B4GALT1: variants seen among roughly 807,000 people sequenced by gnomAD.
The protein encoded by B4GALT1 is beta-1,4-galactosyltransferase 1, also known as N-acetyllactosamine synthase.
In B4GALT1, 16 loss-of-function variants were observed where a neutral mutation model predicts 34.9. The observed-to-expected ratio is 0.46, with a 90% CI of 0.31 to 0.70. B4GALT1 has a LOEUF of 0.70. Among genes scored for constraint, B4GALT1 ranks in the 30% least tolerant of loss-of-function variants. The pLI, the probability that B4GALT1 is intolerant of heterozygous loss-of-function variation, is 0.05. For synonymous variants in B4GALT1, 221 were observed against 218.1 expected, an observed-to-expected ratio of 1.01 and a Z score of -0.12; for missense variants, 445 against 530.5, an observed-to-expected ratio of 0.84 and a Z score of 1.58.
chr9:33,166,637 G>A (rs1364258690), intron 1 of B4GALT1, 121 bp downstream of exon 1: 1 of 1,188,712 alleles, frequency 8.4e-7, no homozygotes, highest in African/African-American at 1.6e-5. Flanking sequence ...TTAAAACTCT[G>A]ATCCAGAAGA....
chr9:33,136,625 C>T lies in B4GALT1; in HGVS notation c.413-1201G>A, dbSNP rs569299316. On this transcript the variant is annotated intron_variant, in intron 1 of 5. Transcript: ENST00000379731. Reference sequence around the variant, plus strand: ...AGTTGTGCAGTCGAAAAACCCCCTTCGTTATATTTAACCCACCATTTCCCA... The same window carrying T: ...AGTTGTGCAGTCGAAAAACCCCCTTTGTTATATTTAACCCACCATTTCCCA... Among the ~76,000 whole-genome samples the T allele has an allele frequency of 2.0e-4, 31 of 152,352 alleles. 1 individual carries two copies. Among genetic ancestry groups the T allele is most frequent in the South Asian group, 1.0e-3 (5 of 4,828 alleles).
At chr9:33,152,039 C>T (rs1027884994) in intron 1 of B4GALT1, among the ~76,000 whole-genome samples, 4 of 152,046 alleles carry the variant, frequency 2.6e-5, no homozygotes, top group African/African-American at 7.3e-5. Context: ...AACTTCTGGC[C>T]GAGTGCAGTG....
intron 2 of B4GALT1, among the ~76,000 whole-genome samples, chr9:33,131,601 CATGTGT>C (rs1485575969): frequency 6.6e-6 from 1 of 152,026 alleles, no homozygotes; most frequent in Non-Finnish European, 1.5e-5. Context: ...CATGTGTGTG[CATGTGT>C]ATGTGTGTGT....
intron 3 of B4GALT1, among the ~76,000 whole-genome samples, chr9:33,118,034 A>T (rs1839965044): frequency 6.6e-6 from 1 of 152,200 alleles, no homozygotes; most frequent in African/African-American, 2.4e-5. Flanking sequence ...GTGGCAAAGA[A>T]TTAGGGCATC....
downstream of B4GALT1, among the ~76,000 whole-genome samples, chr9:33,106,777 G>A (rs758044012): frequency 2.6e-5 from 4 of 152,174 alleles, no homozygotes; most frequent in East Asian, 1.9e-4. Flanking sequence ...AAGGTTAGTC[G>A]CAGGGCAAGA....
intron 1 of B4GALT1, among the ~76,000 whole-genome samples, chr9:33,147,392 C>A (rs1192897914): frequency 6.6e-6 from 1 of 152,022 alleles, no homozygotes; most frequent in Non-Finnish European, 1.5e-5. Context: ...GGATTACAGG[C>A]ACCTGCCACC....
In B4GALT1 at chr9:33,113,215, A is replaced by T. The variant is rs1839889207; in HGVS notation, c.*239T>A. 6.9e-6 allele frequency: 4 copies of T among 583,170 alleles called. No homozygotes were observed. Among genetic ancestry groups the T allele is most frequent in the Non-Finnish European group, 1.2e-5 (4 of 325,840 alleles). The allele number at this position is 583,170 out of a possible 1,614,324, so 36.1% of individuals were successfully genotyped here. A position where few individuals can be genotyped will look rare whatever the true frequency, so the allele number is the denominator to read the frequency against. On this transcript the variant is annotated 3_prime_UTR_variant, in exon 6 of 6. Transcript: ENST00000379731. ...CTGACTCTGGGGTGACACTGCGAAC[A>T]CATCAAGAAACCCGCAAAGGCATAA...
Position 33,135,335 on chromosome 9 carries a change from C to A in B4GALT1, c.502G>T (p.Ala168Ser), listed in dbSNP as rs772617513. ...TGAGGAGAGACGCAGTCCCTGGGGG[C>A]ATAGCGGCCGCCCATCTTCACATTT... Reference protein sequence around the residue: ...NPNVKMGGRYAPRDCVSPHKV... With the variant: ...NPNVKMGGRYSPRDCVSPHKV... Residue 168 changes from alanine to serine, a missense_variant, in exon 2 of 6, where the codon GCC (alanine) becomes TCC (serine). Physicochemically the swap from Ala to Ser is moderately conservative, Grantham distance 99. Coordinates refer to ENST00000379731, the MANE Select transcript of B4GALT1 (RefSeq NM_001497.4). 3.7e-6 allele frequency: 6 copies of A among 1,614,210 alleles called. No homozygotes were observed. The highest frequency in any genetic ancestry group is 5.1e-6 in the Non-Finnish European group (6 of 1,180,030).
At chr9:33,151,988 G>A (rs1196304098) in intron 1 of B4GALT1, among the ~76,000 whole-genome samples, 2 of 152,182 alleles carry the variant, frequency 1.3e-5, no homozygotes, top group African/African-American at 4.8e-5. Context: ...GCAACCTGAA[G>A]TCATAAAGGA....
intron 1 of B4GALT1, among the ~76,000 whole-genome samples, chr9:33,144,585 T>C (rs1840399069): frequency 6.6e-6 from 1 of 152,216 alleles, no homozygotes; most frequent in Admixed American, 6.5e-5. Flanking sequence ...CTTTTTATGG[T>C]ATATGTTCTT....
chr9:33,162,643 A>G (rs1840690628), intron 1 of B4GALT1, among the ~76,000 whole-genome samples: 1 of 152,240 alleles, frequency 6.6e-6, no homozygotes, highest in Non-Finnish European at 1.5e-5. Context: ...CTCCAGGAAG[A>G]GCACTAGACA....
chr9:33,145,313 C>T (rs1840409998), intron 1 of B4GALT1, among the ~76,000 whole-genome samples: 1 of 152,160 alleles, frequency 6.6e-6, no homozygotes, highest in South Asian at 2.1e-4. Flanking sequence ...GGTGCATTTT[C>T]TTGGCTAAGC....
chr9:33,160,125 T>C (rs1055966656), intron 1 of B4GALT1, among the ~76,000 whole-genome samples: 4 of 152,246 alleles, frequency 2.6e-5, no homozygotes, highest in Non-Finnish European at 5.9e-5. Context: ...GTCTATCCTT[T>C]TGTAAGACTG....
chr9:33,162,513 G>C (rs912082633), intron 1 of B4GALT1, among the ~76,000 whole-genome samples: 1 of 152,174 alleles, frequency 6.6e-6, no homozygotes, highest in Non-Finnish European at 1.5e-5. Context: ...ATCCATACAA[G>C]ATCACCATAC....
chr9:33,104,761 G>C (rs1376285654), exon 3 of B4GALT1: 1 of 455,700 alleles, frequency 2.2e-6, no homozygotes, highest in South Asian at 1.5e-5. Flanking sequence ...TTCACCACAG[G>C]AGTCTTCTTA....
intron 4 of B4GALT1, 57 bp from the exon 5 acceptor site, chr9:33,113,935 A>C (rs1405085903): frequency 2.6e-6 from 4 of 1,511,576 alleles, no homozygotes; most frequent in Admixed American, 3.4e-5. Context: ...TTGGCCTGAG[A>C]GCCCCGGCTG....
In B4GALT1 at chr9:33,167,070, G is replaced by A. The variant is rs1400222344; in HGVS notation, c.100C>T (p.Leu34Phe). ...RLLVAVCALH[L>F]GVTLVYYLAG... ...AGGTAGTAAACGAGGGTGACGCCAA[G>A]GTGCAGAGCGCAGACGGCCACGAGC... The change falls in exon 1 of 6, where the codon CTT (leucine) becomes TTT (phenylalanine). Residue 34 changes from leucine (L) to phenylalanine (F), a missense_variant. By Grantham distance (22) the Leu-to-Phe change is conservative. Transcript: ENST00000379731. The A allele has an allele frequency of 7.5e-6, 12 of 1,603,436 alleles. No homozygotes were observed. The highest frequency in any genetic ancestry group is 1.6e-4 in the Middle Eastern group (1 of 6,078).
chr9:33,111,813 T>C lies in B4GALT1; in HGVS notation c.*1641A>G, dbSNP rs971870718. 1 of 152,428 alleles carries C rather than the reference T, an allele frequency of 6.6e-6. No homozygotes were observed. The highest frequency in any genetic ancestry group is 2.4e-5 in the African/African-American group (1 of 41,414). 9.4% of individuals were successfully genotyped at this position (152,428 alleles called of 1,614,324 possible). A position where few individuals can be genotyped will look rare whatever the true frequency, so the allele number is the denominator to read the frequency against. ...TGTCATCTCATCCCAGGTGGCTCAA[T>C]AGCTCCCAACAGAGGTGGGTTTGTG... On this transcript the variant is annotated 3_prime_UTR_variant, in exon 6 of 6. Coordinates refer to ENST00000379731, the MANE Select transcript of B4GALT1 (RefSeq NM_001497.4).
At chr9:33,133,938 C>CTTTA (rs986888127) in intron 2 of B4GALT1, among the ~76,000 whole-genome samples, 4 of 152,320 alleles carry the variant, frequency 2.6e-5, no homozygotes, top group Admixed American at 2.0e-4. Flanking sequence ...TCCCTGCAGA[C>CTTTA]TTTAGAACCT....
Sources: gnomAD v4.1 joint callset for allele counts (sites outside exome capture counted in the v4.1 genomes callset) on GRCh38, gnomAD v4.1.1 for gene constraint, MANE v1.5 for transcripts, NCBI Gene and HGNC (gene_info 2026-07-23, HGNC 2026-07-21) for gene names.